COL25A1: variants seen among roughly 807,000 people sequenced by gnomAD.
The protein encoded by COL25A1 is collagen type XXV alpha 1 chain.
A neutral mutation model predicts 128.4 loss-of-function variants in COL25A1; 103 were observed. The observed-to-expected ratio is 0.80, with a 90% CI of 0.68 to 0.94. The LOEUF (loss-of-function observed/expected upper bound fraction) is 0.94. Among genes scored for constraint, COL25A1 ranks in the 40% least tolerant of loss-of-function variants. COL25A1 has a pLI of 0.00. For synonymous variants in COL25A1, 279 were observed against 277.2 expected (o/e 1.01, Z -0.06); for missense variants, 745 against 840.0 (o/e 0.89, Z 1.40).
rs1578842632 is a variant in COL25A1 at position 108,943,040 on chromosome 4, A to C, written c.493-1603T>G. On this transcript the variant is annotated intron_variant, in intron 8 of 37. Transcript: ENST00000399132. ...CAAAGTGCTGGGATTACAGGCGTGAACCACCATGCCCAGTCAAACCAATAA... is the reference window on the plus strand; with the variant it reads ...CAAAGTGCTGGGATTACAGGCGTGACCCACCATGCCCAGTCAAACCAATAA... 3.9e-5 allele frequency among the ~76,000 whole-genome samples: 6 copies of C among 152,060 alleles called. No individual in the cohort carries two copies. In the South Asian group the frequency reaches 1.2e-3, roughly 32 times the overall value.
At chr4:108,945,735 C>T (rs1289310230) in intron 8 of COL25A1, among the ~76,000 whole-genome samples, 2 of 152,152 alleles carry the variant, frequency 1.3e-5, no homozygotes, top group Non-Finnish European at 2.9e-5. Flanking sequence ...GCGATCTCGG[C>T]TCACTGCAAC....
At chr4:109,012,013 T>C (rs1473502567) in intron 5 of COL25A1, among the ~76,000 whole-genome samples, 1 of 152,076 alleles carries the variant, frequency 6.6e-6, no homozygotes, top group African/African-American at 2.4e-5. Flanking sequence ...ACTATGAAGG[T>C]TTTTTGTTTG....
intron 3 of COL25A1, among the ~76,000 whole-genome samples, chr4:109,212,809 CTGGTACATGTA>C (rs1220009659): frequency 4.6e-5 from 7 of 152,114 alleles, no homozygotes; most frequent in Non-Finnish European, 8.8e-5. Context: ...TAGCAGTACT[CTGGTACATGTA>C]TGGTACATGC....
chr4:109,134,105 C>T lies in COL25A1; in HGVS notation c.368-83926G>A, dbSNP rs149134800. ...GGAAGCATGAAGATGAGAAAAAAAA[C>T]GGTGTGTTCAAAAATGACGAGTTCC... On this transcript the variant is annotated intron_variant, in intron 3 of 37. Coordinates refer to ENST00000399132, the MANE Select transcript of COL25A1 (RefSeq NM_198721.4). Among the ~76,000 whole-genome samples, 186 of 151,014 alleles carry T rather than the reference C, an allele frequency of 1.2e-3. 1 individual carries two copies. Among genetic ancestry groups the T allele is most frequent in the African/African-American group, 3.1e-3 (126 of 41,194 alleles).
chr4:109,167,580 A>T (rs2126127057), intron 3 of COL25A1, among the ~76,000 whole-genome samples: 1 of 152,234 alleles, frequency 6.6e-6, no homozygotes, highest in Non-Finnish European at 1.5e-5. Context: ...TGAAGTGATA[A>T]GATTTCACCC....
At chr4:109,178,835 CAAAAAAAAAAAAAAA>C (rs34132262) in intron 3 of COL25A1, among the ~76,000 whole-genome samples, 1 of 47,544 alleles carries the variant, frequency 2.1e-5, no homozygotes, top group African/African-American at 9.3e-5. Context: ...ACTCCATCTC[CAAAAAAAAAAAAAAA>C]AAAAAAAAAA....
At chr4:109,028,236 G>A (rs774296011) in intron 5 of COL25A1, among the ~76,000 whole-genome samples, 12 of 152,230 alleles carry the variant, frequency 7.9e-5, no homozygotes, top group East Asian at 7.7e-4. Flanking sequence ...AGTCTCCCCA[G>A]TAGCTAGGAC....
intron 3 of COL25A1, among the ~76,000 whole-genome samples, chr4:109,104,834 A>G (rs926700793): frequency 2.6e-5 from 4 of 152,238 alleles, no homozygotes; most frequent in Admixed American, 2.6e-4. Context: ...TAAATATTAA[A>G]AACACAATCA....
At chr4:109,105,823 A>C (rs1766376505) in intron 3 of COL25A1, among the ~76,000 whole-genome samples, 1 of 152,238 alleles carries the variant, frequency 6.6e-6, no homozygotes, top group Non-Finnish European at 1.5e-5. Flanking sequence ...ACTTTAATGT[A>C]CCAAGCAGCA....
At chr4:108,860,890 G>C in intron 23 of COL25A1, 37 bp downstream of exon 23, 1 of 1,595,762 alleles carries the variant, frequency 6.3e-7, no homozygotes, top group South Asian at 1.1e-5. Context: ...TGGGATTGTA[G>C]GGAGCAAAAG....
At chr4:109,140,378 T>G (rs560165095) in intron 3 of COL25A1, among the ~76,000 whole-genome samples, 2 of 152,314 alleles carry the variant, frequency 1.3e-5, no homozygotes, top group East Asian at 3.9e-4. Context: ...GCCTCCAGCT[T>G]TGTTCTTTTG....
intron 16 of COL25A1, among the ~76,000 whole-genome samples, chr4:108,893,633 G>GA (rs533412629): frequency 3.3e-4 from 49 of 149,836 alleles, no homozygotes; most frequent in African/African-American, 8.8e-4. Context: ...GAATCAAAAG[G>GA]AAAAAAAAAT....
intron 3 of COL25A1, among the ~76,000 whole-genome samples, chr4:109,079,753 A>T (rs78362798): frequency 0.021 from 3,193 of 151,378 alleles, 51 homozygotes; most frequent in Admixed American, 0.031. Context: ...TTTGTGTCAC[A>T]GGCTTCCAGT....
At chr4:109,128,008 A>G (rs1014927157) in intron 3 of COL25A1, among the ~76,000 whole-genome samples, 1 of 152,180 alleles carries the variant, frequency 6.6e-6, no homozygotes, top group Non-Finnish European at 1.5e-5. Flanking sequence ...TCTCCTGAGC[A>G]TGGAAATAAA....
chr4:109,297,964 C>T (rs1377386046), intron 3 of COL25A1, among the ~76,000 whole-genome samples: 1 of 137,484 alleles, frequency 7.3e-6, no homozygotes, highest in Non-Finnish European at 1.5e-5. Flanking sequence ...GTACTAGATC[C>T]AGGATTCCAA....
intron 2 of COL25A1, 22 bp downstream of exon 2, chr4:109,301,701 A>G (rs1318546067): frequency 6.2e-7 from 1 of 1,603,348 alleles, no homozygotes; most frequent in Non-Finnish European, 8.5e-7. Flanking sequence ...ACCCACGTGC[A>G]AAATACCCCA....
chr4:109,287,981 CA>C (rs1271987355), intron 3 of COL25A1, among the ~76,000 whole-genome samples: 3 of 152,000 alleles, frequency 2.0e-5, no homozygotes, highest in African/African-American at 7.2e-5. Context: ...ACAACACATG[CA>C]TGAGTAAGAT....
intron 3 of COL25A1, among the ~76,000 whole-genome samples, chr4:109,129,410 T>G (rs1462726399): frequency 6.6e-6 from 1 of 152,198 alleles, no homozygotes; most frequent in Non-Finnish European, 1.5e-5. Flanking sequence ...ATTACAGGCA[T>G]GAGCCACTGC....
At position 109,220,192 on chromosome 4, in the gene COL25A1, T is replaced by C. The variant is rs1031184721; in HGVS notation, c.367+80391A>G. ...AAATCTCTGTTTTCTGGAAGACATT[T>C]AGTATGATGTCAGCCATCTGAACTG... On this transcript the variant is annotated intron_variant, in intron 3 of 37. Coordinates refer to ENST00000399132, the MANE Select transcript of COL25A1 (RefSeq NM_198721.4). Among the ~76,000 whole-genome samples, 14 of 152,340 alleles carry C rather than the reference T, an allele frequency of 9.2e-5. No individual in the cohort carries two copies. The Middle Eastern group carries it at 0.01, about 112-fold the overall frequency.
Sources: allele counts gnomAD v4.1 joint callset (sites outside exome capture counted in the v4.1 genomes callset), GRCh38; gene constraint gnomAD v4.1.1; transcripts MANE v1.5; gene names NCBI Gene and HGNC (gene_info 2026-07-23, HGNC 2026-07-21).